ARB2A: variants seen among roughly 807,000 people sequenced by gnomAD.
The protein encoded by ARB2A is cotranscriptional regulator ARB2A.
chr5:93,708,311 C>T, the ARB2A span, among the ~76,000 whole-genome samples: 6 of 152,086 alleles, frequency 3.9e-5, no homozygotes, highest in Admixed American at 6.5e-5. Context: ...TCTAGGAAGG[C>T]GACATGTTTT....
chr5:94,014,500 A>G, the ARB2A span, among the ~76,000 whole-genome samples: 1 of 152,222 alleles, frequency 6.6e-6, no homozygotes, highest in Non-Finnish European at 1.5e-5. Flanking sequence ...CATCCACAAG[A>G]AACAACAGCA....
At chr5:93,919,516 C>T in the ARB2A span, among the ~76,000 whole-genome samples, 2 of 152,004 alleles carry the variant, frequency 1.3e-5, no homozygotes, top group Non-Finnish European at 2.9e-5. Flanking sequence ...AATTGTAATT[C>T]TTAAGATGAA....
chr5:93,749,381 G>A, the ARB2A span, among the ~76,000 whole-genome samples: 1 of 152,200 alleles, frequency 6.6e-6, no homozygotes, highest in Non-Finnish European at 1.5e-5. Flanking sequence ...GCATTTACAG[G>A]TAATACATTG....
the ARB2A span, among the ~76,000 whole-genome samples, chr5:93,707,466 C>G: frequency 6.6e-6 from 1 of 151,828 alleles, no homozygotes; most frequent in African/African-American, 2.4e-5. Context: ...TTAAAAAATT[C>G]ATTATTTTTT....
At chr5:93,712,904 C>T in the ARB2A span, among the ~76,000 whole-genome samples, 3,705 of 152,174 alleles carry the variant, frequency 0.024, 98 homozygotes, top group East Asian at 0.13. Context: ...TAAACCCATA[C>T]ATCTACATTG....
At chr5:93,931,694 T>C in the ARB2A span, among the ~76,000 whole-genome samples, 1 of 151,684 alleles carries the variant, frequency 6.6e-6, no homozygotes, top group African/African-American at 2.4e-5. Flanking sequence ...TACAGCTAAA[T>C]AAATTTTCAC....
At chr5:93,640,025 C>T in the ARB2A span, among the ~76,000 whole-genome samples, 1 of 143,332 alleles carries the variant, frequency 7.0e-6, no homozygotes, top group East Asian at 2.0e-4. Context: ...TCACTGCACT[C>T]CAGACTCCAG....
At chr5:94,064,143 T>C in the ARB2A span, among the ~76,000 whole-genome samples, 8 of 151,638 alleles carry the variant, frequency 5.3e-5, no homozygotes, top group Non-Finnish European at 7.4e-5. Flanking sequence ...ACCAAAAAGA[T>C]GGACAGATAT....
the ARB2A span, chr5:93,683,118 C>T: frequency 1.3e-6 from 2 of 1,546,186 alleles, no homozygotes; most frequent in Non-Finnish European, 1.8e-6. Context: ...GCATTTTTGG[C>T]TGGAGTATCT....
chr5:93,792,500 A>G, the ARB2A span, among the ~76,000 whole-genome samples: 1 of 152,152 alleles, frequency 6.6e-6, no homozygotes, highest in African/African-American at 2.4e-5. Flanking sequence ...ATTTTAGGAA[A>G]GAAGGCAGGT....
chr5:93,707,011 G>A, the ARB2A span, among the ~76,000 whole-genome samples: 1 of 152,076 alleles, frequency 6.6e-6, no homozygotes, highest in Non-Finnish European at 1.5e-5. Context: ...ATATATCCAT[G>A]TGTGTTTGAG....
the ARB2A span, among the ~76,000 whole-genome samples, chr5:93,902,020 T>C: frequency 6.6e-6 from 1 of 152,104 alleles, no homozygotes; most frequent in Non-Finnish European, 1.5e-5. Flanking sequence ...TATCTAGAAT[T>C]ATTTGATGGA....
the ARB2A span, among the ~76,000 whole-genome samples, chr5:93,783,352 A>G: frequency 6.6e-6 from 1 of 152,334 alleles, no homozygotes; most frequent in South Asian, 2.1e-4. Flanking sequence ...AGACTTTTGT[A>G]TGATGAAAGT....
the ARB2A span, among the ~76,000 whole-genome samples, chr5:94,046,746 T>C: frequency 6.6e-6 from 1 of 152,196 alleles, no homozygotes; most frequent in Non-Finnish European, 1.5e-5. Context: ...ACCTCACTCA[T>C]GCTTATCGGA....
chr5:94,033,302 C>T, the ARB2A span, among the ~76,000 whole-genome samples: 3 of 152,248 alleles, frequency 2.0e-5, no homozygotes, highest in South Asian at 6.2e-4. Flanking sequence ...ATTTTACAGG[C>T]TCACAACCAG....
At chr5:93,886,540 G>GT in the ARB2A span, among the ~76,000 whole-genome samples, 3 of 151,648 alleles carry the variant, frequency 2.0e-5, no homozygotes, top group Non-Finnish European at 2.9e-5. Flanking sequence ...TCTGAAAGAT[G>GT]TATGTTGTAT....
chr5:93,951,567 T>G, the ARB2A span, among the ~76,000 whole-genome samples: 1 of 152,308 alleles, frequency 6.6e-6, no homozygotes, highest in South Asian at 2.1e-4. Flanking sequence ...CCAGCACAAT[T>G]TATTGACAGA....
the ARB2A span, among the ~76,000 whole-genome samples, chr5:94,037,692 A>G: frequency 1.8e-4 from 27 of 152,300 alleles, no homozygotes; most frequent in East Asian, 1.5e-3. Context: ...CTGATGGCCA[A>G]TACAAGATGT....
chr5:93,849,427 A>C, the ARB2A span, among the ~76,000 whole-genome samples: 1 of 152,168 alleles, frequency 6.6e-6, no homozygotes, highest in Non-Finnish European at 1.5e-5. Flanking sequence ...TGCTATGAGG[A>C]AATATTAAAT....
Sources: allele counts gnomAD v4.1 joint callset (sites outside exome capture counted in the v4.1 genomes callset), GRCh38; gene constraint gnomAD v4.1.1; transcripts MANE v1.5; gene names NCBI Gene and HGNC (gene_info 2026-07-23, HGNC 2026-07-21).